FGF12: variants seen among roughly 807,000 people sequenced by gnomAD.
FGF12 encodes fibroblast growth factor 12B.
A neutral mutation model predicts 23.6 loss-of-function variants in FGF12; 14 were observed. The observed-to-expected ratio is 0.59, with a 90% confidence interval of 0.39 to 0.93. The LOEUF (loss-of-function observed/expected upper bound fraction) is 0.93, where lower values mean the gene tolerates loss of function less well. FGF12 is among the 40% of genes least tolerant of loss of function. The probability of loss-of-function intolerance (pLI) is 0.00; values close to 1 mark genes in which losing one functional copy is unlikely to be tolerated. For synonymous variants in FGF12, 62 were observed against 77.3 expected (o/e 0.80, Z 1.04); for missense variants, 175 against 217.8 (o/e 0.80, Z 1.24).
At chr3:192,685,642 A>G (rs1323284069) in intron 2 of FGF12, among the ~76,000 whole-genome samples, 4 of 152,004 alleles carry the variant, frequency 2.6e-5, no homozygotes, top group South Asian at 2.1e-4. Flanking sequence ...ACCAGCACGG[A>G]GGAGAGTATA....
chr3:192,554,613 A>AT (rs1373897410), intron 2 of FGF12, among the ~76,000 whole-genome samples: 15 of 152,160 alleles, frequency 9.9e-5, no homozygotes, highest in Non-Finnish European at 1.5e-5. Flanking sequence ...ATATATGGCT[A>AT]TTTTTTCAAA....
chr3:192,277,757 T>C (rs1713886382), intron 4 of FGF12, among the ~76,000 whole-genome samples: 1 of 152,150 alleles, frequency 6.6e-6, no homozygotes, highest in African/African-American at 2.4e-5. Context: ...CCCGTACACA[T>C]ACATTTCCCT....
intron 2 of FGF12, among the ~76,000 whole-genome samples, chr3:192,509,339 T>C (rs1382603029): frequency 6.6e-6 from 1 of 152,196 alleles, no homozygotes; most frequent in Non-Finnish European, 1.5e-5. Flanking sequence ...TTCCCTGATA[T>C]TCTTCCCAAT....
chr3:192,684,749 T>A (rs1457250266), intron 2 of FGF12, among the ~76,000 whole-genome samples: 1 of 152,242 alleles, frequency 6.6e-6, no homozygotes, highest in Non-Finnish European at 1.5e-5. Flanking sequence ...TCATGACTTA[T>A]ATTTAGATAA....
chr3:192,365,989 A>C (rs910979364), intron 2 of FGF12, among the ~76,000 whole-genome samples: 21 of 151,856 alleles, frequency 1.4e-4, no homozygotes, highest in Non-Finnish European at 2.2e-4. Context: ...AAAAAAAAAA[A>C]AAAAAACAAC....
At chr3:192,688,365 C>T (rs534673154) in intron 2 of FGF12, among the ~76,000 whole-genome samples, 1 of 152,318 alleles carries the variant, frequency 6.6e-6, no homozygotes, top group Admixed American at 6.5e-5. Context: ...ACCCCCCAAC[C>T]TCTGCCACAG....
chr3:192,564,509 G>C (rs1291823392), intron 2 of FGF12, among the ~76,000 whole-genome samples: 5 of 152,172 alleles, frequency 3.3e-5, no homozygotes, highest in Non-Finnish European at 7.3e-5. Context: ...AAGGCAGCAG[G>C]TGATATGTGA....
At chr3:192,487,956 T>C (rs866688294) in intron 2 of FGF12, among the ~76,000 whole-genome samples, 10 of 152,108 alleles carry the variant, frequency 6.6e-5, no homozygotes, top group African/African-American at 2.4e-4. Context: ...TGCCAGGCTA[T>C]GAGACATGCA....
chr3:192,639,209 G>A lies in FGF12; in HGVS notation c.13+87972C>T, dbSNP rs376459663. Among the ~76,000 whole-genome samples, 59 of 152,246 alleles carry A rather than the reference G, an allele frequency of 3.9e-4. No homozygotes were observed. The East Asian group carries it at 4.2e-3, about 11-fold the overall frequency. On this transcript the variant is annotated intron_variant, in intron 2 of 5. Coordinates refer to ENST00000445105, the MANE Select transcript of FGF12 (RefSeq NM_004113.6). ...ATAGGTATATAAAAAGGTGCTCAGC[G>A]TCATTAATAATCCGGGAAATGTAAC...
At chr3:192,372,603 T>C (rs920144331) in intron 2 of FGF12, among the ~76,000 whole-genome samples, 2 of 152,186 alleles carry the variant, frequency 1.3e-5, no homozygotes, top group African/African-American at 4.8e-5. Flanking sequence ...CTAATTCCAA[T>C]TGTTTGCTTC....
chr3:192,300,531 G>A (rs554541309), intron 4 of FGF12, among the ~76,000 whole-genome samples: 145 of 152,194 alleles, frequency 9.5e-4, no homozygotes, highest in Non-Finnish European at 1.8e-3. Context: ...TTTTGGTCAA[G>A]TCAGGTCTTT....
chr3:192,501,039 A>C (rs1259321103), intron 2 of FGF12, among the ~76,000 whole-genome samples: 1 of 152,216 alleles, frequency 6.6e-6, no homozygotes, highest in African/African-American at 2.4e-5. Context: ...TAACAGGCAT[A>C]CATTTCAAAA....
chr3:192,460,552 C>G (rs951087018), intron 2 of FGF12, among the ~76,000 whole-genome samples: 1 of 152,068 alleles, frequency 6.6e-6, no homozygotes, highest in Non-Finnish European at 1.5e-5. Flanking sequence ...TGCTCTGCAA[C>G]CAGCAAGCAC....
Position 192,664,598 on chromosome 3 carries a change from AAAAATAC to A in FGF12, c.13+62576_13+62582del, listed in dbSNP as rs1302214188. Among the ~76,000 whole-genome samples, 149 of 141,476 alleles carry A rather than the reference AAAAATAC, an allele frequency of 1.1e-3. 16 individuals are homozygous for A. In the East Asian group the frequency reaches 0.014, roughly 14 times the overall value. 92.8% of individuals were successfully genotyped at this position (141,476 alleles called of 152,430 possible). ...ACCCTGTCTCTACTAAAAATACAAA[AAAAATAC>A]AAAAAAAAAAAAAAGCTGGGCATGG... On this transcript the variant is annotated intron_variant, in intron 2 of 5. Transcript: ENST00000445105.
At chr3:192,521,392 CTT>C (rs1275628712) in intron 2 of FGF12, 4 of 152,146 alleles carry the variant, frequency 2.6e-5, no homozygotes, top group African/African-American at 9.7e-5. Context: ...CATAAGAAAA[CTT>C]TAAAGATGAG....
intron 2 of FGF12, among the ~76,000 whole-genome samples, chr3:192,602,173 T>G (rs1443818059): frequency 6.6e-6 from 1 of 152,102 alleles, no homozygotes; most frequent in African/African-American, 2.4e-5. Flanking sequence ...GCTTAAGATG[T>G]TGATAGTGGG....
At chr3:192,254,435 T>C (rs1712247918) in intron 4 of FGF12, among the ~76,000 whole-genome samples, 1 of 151,856 alleles carries the variant, frequency 6.6e-6, no homozygotes, top group Non-Finnish European at 1.5e-5. Context: ...GCCATCTTAA[T>C]ATTGTGATGC....
intron 4 of FGF12, among the ~76,000 whole-genome samples, chr3:192,321,040 C>T (rs1447434257): frequency 1.3e-5 from 2 of 151,786 alleles, no homozygotes; most frequent in East Asian, 3.9e-4. Flanking sequence ...AAAAGATAAA[C>T]AAAATCAACA....
intron 2 of FGF12, among the ~76,000 whole-genome samples, chr3:192,697,277 G>A (rs775012543): frequency 2.6e-5 from 4 of 152,166 alleles, no homozygotes; most frequent in Non-Finnish European, 5.9e-5. Flanking sequence ...ACAACTCTTC[G>A]AAGGTATACA....
Sources: allele counts gnomAD v4.1 joint callset (sites outside exome capture counted in the v4.1 genomes callset), GRCh38; gene constraint gnomAD v4.1.1; transcripts MANE v1.5; gene names NCBI Gene and HGNC (gene_info 2026-07-23, HGNC 2026-07-21).